Variants in USP34 observed in about 807,000 individuals in gnomAD.
The protein encoded by USP34 is ubiquitin carboxyl-terminal hydrolase 34.
A neutral mutation model predicts 460.3 loss-of-function variants in USP34; 70 were observed. The ratio of observed to expected loss-of-function variants is 0.15; its 90% CI spans 0.13 to 0.19. The LOEUF (loss-of-function observed/expected upper bound fraction) is 0.19. Ranked by LOEUF, USP34 falls within the 10% of genes least tolerant of loss-of-function variation. The pLI is 1.00. For synonymous variants in USP34, 1,647 were observed against 1,405.3 expected (o/e 1.17, Z -3.85); for missense variants, 3,985 against 4,236.2 (o/e 0.94, Z 1.65).
Position 61,409,352 on chromosome 2 carries a change from C to T in USP34, c.132-3224G>A, listed in dbSNP as rs1323057581. 2.0e-5 allele frequency among the ~76,000 whole-genome samples: 3 copies of T among 151,958 alleles called. No individual in the cohort carries two copies. The East Asian group carries it at 5.8e-4, about 29-fold the overall frequency. On this transcript the variant is annotated intron_variant, in intron 2 of 79. Transcript: ENST00000398571. ...ATTTACTAAAAATGGAATCTGAAAA[C>T]CCAGAAAACGAACTTGAAGTCAGAT...
chr2:61,466,639 T>C (rs1438975133), intron 1 of USP34, among the ~76,000 whole-genome samples: 5 of 152,184 alleles, frequency 3.3e-5, no homozygotes, highest in Non-Finnish European at 1.5e-5. Flanking sequence ...AGGCCAGGCA[T>C]GCTGGCTCAC....
chr2:61,241,970 G>A (rs1179649821), intron 51 of USP34, 151 bp from the exon 52 acceptor site: 5 of 464,674 alleles, frequency 1.1e-5, no homozygotes, highest in South Asian at 5.0e-5. Flanking sequence ...AAAATTCTAC[G>A]TACTTCACAA....
chr2:61,367,256 G>A (rs977665435), intron 10 of USP34, among the ~76,000 whole-genome samples: 2 of 152,194 alleles, frequency 1.3e-5, no homozygotes, highest in Non-Finnish European at 2.9e-5. Context: ...AGCAGTATGC[G>A]ACACTGTCTT....
At chr2:61,283,799 T>A (rs1366987465) in intron 35 of USP34, among the ~76,000 whole-genome samples, 2 of 152,152 alleles carry the variant, frequency 1.3e-5, no homozygotes, top group Non-Finnish European at 2.9e-5. Context: ...CAAAAGAGAC[T>A]ATATTTTAAG....
intron 67 of USP34, 42 bp downstream of exon 67, chr2:61,220,268 C>T (rs772637989): frequency 1.4e-6 from 2 of 1,461,304 alleles, no homozygotes; most frequent in East Asian, 5.8e-5. Flanking sequence ...TAACTTTGAA[C>T]AATAAATAAA....
rs551369144 is a variant in USP34 at position 61,217,137 on chromosome 2, G to A, written c.8048-2443C>T. ...CTACTTGCTTTTAAATAAAAAGGAA[G>A]TTCTGCTTCAGAAAAAAACACGACT... On this transcript the variant is annotated intron_variant, in intron 67 of 79. Coordinates refer to ENST00000398571, the MANE Select transcript of USP34 (RefSeq NM_014709.4). Among the ~76,000 whole-genome samples, 6 of 152,056 alleles carry A rather than the reference G, an allele frequency of 3.9e-5. No homozygotes were observed. The East Asian group carries it at 1.2e-3, about 29-fold the overall frequency.
In USP34 at chr2:61,211,894, A is replaced by C. The variant is rs1422040681; in HGVS notation, c.8718T>G (p.Phe2906Leu). The part of the protein sequence containing the change: ...VEELFNLMQL[F>L]IAQRPDMREE... ...CTCTCATATCTGGCCTCTGAGCTAT[A>C]AACAGCTGCATCAGGTTAAACAGTT... Residue 2906 changes from phenylalanine to leucine, a missense_variant, in exon 69 of 80, where the codon TTT becomes TTG. Around this residue, in one of 14 missense-constraint regions of USP34, gnomAD observed 275 missense variants for 292.7 expected, o/e 0.94. Transcript: ENST00000398571. 6.2e-7 allele frequency: 1 copy of C among 1,609,424 alleles called. No individual in the cohort carries two copies. Among genetic ancestry groups the C allele is most frequent in the East Asian group, 2.2e-5 (1 of 44,514 alleles).
In USP34 at chr2:61,398,071, CA is replaced by C. The variant is rs940787565; in HGVS notation, c.553-2839del. Among the ~76,000 whole-genome samples the C allele has an allele frequency of 4.0e-5, 6 of 150,174 alleles. No individual in the cohort carries two copies. The East Asian group carries it at 5.9e-4, about 15-fold the overall frequency. ...GGGCAACAGAGCGAGACTCCGCCTC[CA>C]AAAAAAAAGATTGCTTTTAGGTTGA... On this transcript the variant is annotated intron_variant, in intron 3 of 79. Coordinates refer to ENST00000398571, the MANE Select transcript of USP34 (RefSeq NM_014709.4).
intron 44 of USP34, among the ~76,000 whole-genome samples, chr2:61,258,461 T>C (rs1688779930): frequency 3.9e-5 from 6 of 152,188 alleles, no homozygotes. Flanking sequence ...CTCCGGTTAA[T>C]CTGTGGAATA....
At chr2:61,417,909 T>C (rs988234465) in intron 2 of USP34, among the ~76,000 whole-genome samples, 1 of 149,858 alleles carries the variant, frequency 6.7e-6, no homozygotes, top group Non-Finnish European at 1.5e-5. Context: ...CCTGGCTAAT[T>C]TTTGTATTTT....
At chr2:61,444,974 A>G (rs954711069) in intron 1 of USP34, among the ~76,000 whole-genome samples, 3 of 151,900 alleles carry the variant, frequency 2.0e-5, no homozygotes, top group African/African-American at 7.3e-5. Flanking sequence ...TCAAAGAAGT[A>G]ACAGTAAAAC....
intron 16 of USP34, among the ~76,000 whole-genome samples, chr2:61,342,062 G>T (rs1046728350): frequency 4.6e-5 from 7 of 151,738 alleles, no homozygotes; most frequent in Non-Finnish European, 1.0e-4. Flanking sequence ...CGCACCAGGC[G>T]ATTTCTTTAT....
intron 15 of USP34, among the ~76,000 whole-genome samples, chr2:61,344,588 T>C (rs958974672): frequency 7.2e-5 from 11 of 152,198 alleles, no homozygotes; most frequent in Admixed American, 1.3e-4. Context: ...GTACCATTAA[T>C]ACACAGAATA....
Position 61,301,416 on chromosome 2 carries a change from G to A in USP34, c.3856C>T (p.His1286Tyr). Residue 1286 changes from histidine to tyrosine, a missense_variant, in exon 28 of 80, where the codon CAC becomes TAC. By Grantham distance (83) the His-to-Tyr change is moderately conservative (BLOSUM62 2). Transcript: ENST00000398571. ...TCATCATAATCTGTTGTTAACTCGTGTCCAGATGAAATCATCCTGACAGGT... is the reference window on the plus strand; with the variant it reads ...TCATCATAATCTGTTGTTAACTCGTATCCAGATGAAATCATCCTGACAGGT... Reference protein sequence around the residue: ...MGPVRMISSGHELTTDYDEKA... With the variant: ...MGPVRMISSGYELTTDYDEKA... 3 of 1,613,908 alleles carry A rather than the reference G, an allele frequency of 1.9e-6. No individual in the cohort carries two copies. Among genetic ancestry groups the A allele is most frequent in the Non-Finnish European group, 2.5e-6 (3 of 1,179,998 alleles).
At chr2:61,301,508 G>T in intron 27 of USP34, 54 bp from the exon 28 acceptor site, 1 of 1,476,764 alleles carries the variant, frequency 6.8e-7, no homozygotes, top group Non-Finnish European at 9.4e-7. Flanking sequence ...TAACTTACTT[G>T]CTGATAAGAA....
intron 2 of USP34, among the ~76,000 whole-genome samples, chr2:61,411,671 G>A (rs1048801529): frequency 1.3e-5 from 2 of 151,998 alleles, no homozygotes; most frequent in Non-Finnish European, 1.5e-5. Flanking sequence ...TTAGTTTAGT[G>A]TATTTGTGGT....
chr2:61,366,487 C>G (rs1174023333), intron 10 of USP34, among the ~76,000 whole-genome samples: 1 of 152,114 alleles, frequency 6.6e-6, no homozygotes, highest in African/African-American at 2.4e-5. Context: ...GGTAACCCAT[C>G]CACCAGAGAT....
intron 68 of USP34, among the ~76,000 whole-genome samples, chr2:61,213,635 T>C (rs1225661402): frequency 6.6e-6 from 1 of 152,236 alleles, no homozygotes; most frequent in Non-Finnish European, 1.5e-5. Flanking sequence ...GAAAAAATAC[T>C]GCGGAATACT....
In USP34 at chr2:61,295,007, T is replaced by C; in HGVS notation, c.4403A>G (p.Asp1468Gly). ...TTGATCTTCACTTGAATCATCTGAA[T>C]CTGGATAAAGATCACTGTAACTTCC... ...STGSYSDLYP[D>G]SDDSSEDQVE... Residue 1468 changes from aspartate (D) to glycine (G), a missense_variant, in exon 32 of 80, where the codon GAT (aspartate) becomes GGT (glycine). Asp to Gly is a moderately conservative substitution (Grantham distance 94). Coordinates refer to ENST00000398571, the MANE Select transcript of USP34 (RefSeq NM_014709.4). The C allele has an allele frequency of 6.2e-7, 1 of 1,612,750 alleles. No individual in the cohort carries two copies. The highest frequency in any genetic ancestry group is 8.5e-7 in the Non-Finnish European group (1 of 1,179,600).
Sources: gnomAD v4.1 joint callset for allele counts (sites outside exome capture counted in the v4.1 genomes callset) on GRCh38, gnomAD v4.1.1 for gene constraint, gnomAD v4.1.1 regional missense constraint, MANE v1.5 for transcripts, NCBI Gene and HGNC (gene_info 2026-07-23, HGNC 2026-07-21) for gene names.